The following IQCB1 variants were observed in gnomAD, a reference collection of about 807,000 sequenced individuals.
IQCB1 encodes the protein IQ calmodulin-binding motif-containing protein 1.
A neutral mutation model predicts 84.4 loss-of-function variants in IQCB1; 56 were observed. That is an observed-to-expected ratio of 0.66 (90% CI 0.54 to 0.83). The LOEUF (loss-of-function observed/expected upper bound fraction) is 0.83. Ranked by LOEUF, IQCB1 falls within the 40% of genes least tolerant of loss-of-function variation. The pLI is 0.00. For synonymous variants in IQCB1, 210 were observed against 234.8 expected (o/e 0.89, Z 0.96); for missense variants, 629 against 682.1 (o/e 0.92, Z 0.87).
In IQCB1 at chr3:121,792,584, C is replaced by A. The variant is rs1301085037; in HGVS notation, c.987-2369G>T. On this transcript the variant is annotated intron_variant, in intron 10 of 14. Coordinates refer to ENST00000310864, the MANE Select transcript of IQCB1 (RefSeq NM_001023570.4). ...GGCTGAGGCAGGAGAATGGTGTGAA[C>A]CCGGGAGGCGGAGCTTGCAGTGAGC... is the stretch of plus-strand genomic sequence containing the variant. 2.2e-5 allele frequency among the ~76,000 whole-genome samples: 3 copies of A among 137,422 alleles called. 1 individual carries two copies. The highest frequency in any genetic ancestry group is 4.6e-5 in the Non-Finnish European group (3 of 64,956). 90.2% of individuals were successfully genotyped at this position (137,422 alleles called of 152,430 possible).
At chr3:121,772,795 T>A in intron 13 of IQCB1, 82 bp from the exon 14 acceptor site, 3 of 1,217,670 alleles carry the variant, frequency 2.5e-6, no homozygotes, top group Non-Finnish European at 3.6e-6. Context: ...GGTTTTAGAC[T>A]GCTTAGCTGT....
chr3:121,798,396 C>A (rs571124648), intron 8 of IQCB1, among the ~76,000 whole-genome samples: 6 of 151,756 alleles, frequency 4.0e-5, no homozygotes, highest in Non-Finnish European at 8.9e-5. Context: ...TTCCTGACCA[C>A]GCTGAATAAG....
chr3:121,797,593 G>A (rs549748515), intron 8 of IQCB1, among the ~76,000 whole-genome samples: 82 of 151,736 alleles, frequency 5.4e-4, no homozygotes, highest in Admixed American at 2.0e-3. Flanking sequence ...ACATTTTAAA[G>A]ATAAATTACT....
Position 121,825,061 on chromosome 3 carries a change from C to CCT in IQCB1, c.393+989_393+990insAG, listed in dbSNP as rs1553721685. Among the ~76,000 whole-genome samples the CCT allele has an allele frequency of 2.5e-3, 209 of 83,726 alleles. 1 individual carries two copies. The East Asian group carries it at 0.034, about 14-fold the overall frequency. 54.9% of individuals were successfully genotyped at this position (83,726 alleles called of 152,430 possible). The stretch of plus-strand genomic sequence containing the variant: ...CAAAACAAAGGTTTCTTTTTCTTTT[C>CCT]TTTTTTTTTTTTTTTTCAGATGGAG... On this transcript the variant is annotated intron_variant, in intron 5 of 14. Coordinates refer to ENST00000310864, the MANE Select transcript of IQCB1 (RefSeq NM_001023570.4).
chr3:121,793,340 G>T (rs1367387131), intron 10 of IQCB1, among the ~76,000 whole-genome samples: 1 of 152,190 alleles, frequency 6.6e-6, no homozygotes, highest in Non-Finnish European at 1.5e-5. Context: ...GCAAGGGCGT[G>T]ACTATAAAAG....
chr3:121,789,913 C>A (rs796513180), intron 11 of IQCB1, among the ~76,000 whole-genome samples, 160 bp downstream of exon 11: 9 of 152,068 alleles, frequency 5.9e-5, no homozygotes, highest in African/African-American at 2.2e-4. Context: ...AAACAGTAAC[C>A]GTTTTTGAAC....
chr3:121,770,376 T>A lies in IQCB1; in HGVS notation c.1766A>T (p.Asn589Ile), dbSNP rs1576524168. ...TGGTTTGGTTCCACCAATGAATAAATTTTCTAATTCTATACTAAGCTCATC... is the reference window on the plus strand; with the variant it reads ...TGGTTTGGTTCCACCAATGAATAAAATTTCTAATTCTATACTAAGCTCATC... The part of the protein sequence containing the change: ...PKDELSIELE[N>I]LFIGGTKPP The change falls in exon 15 of 15, where the codon AAT becomes ATT. Residue 589 changes from asparagine (N) to isoleucine (I), a missense_variant. Physicochemically the swap from Asn to Ile is moderately radical, Grantham distance 149. Coordinates refer to ENST00000310864, the MANE Select transcript of IQCB1 (RefSeq NM_001023570.4). 1 of 1,613,758 alleles carries A rather than the reference T, an allele frequency of 6.2e-7. No homozygotes were observed. The highest frequency in any genetic ancestry group is 1.3e-5 in the African/African-American group (1 of 75,032).
chr3:121,782,142 A>C (rs960742783), intron 12 of IQCB1, among the ~76,000 whole-genome samples: 1 of 152,220 alleles, frequency 6.6e-6, no homozygotes, highest in South Asian at 2.1e-4. Context: ...TCTAGTCTCA[A>C]TTCTAGTCCC....
chr3:121,791,936 C>T (rs1482651833), intron 10 of IQCB1, among the ~76,000 whole-genome samples: 4 of 152,072 alleles, frequency 2.6e-5, no homozygotes, highest in Non-Finnish European at 5.9e-5. Flanking sequence ...ACTAAAAATA[C>T]AAAAATTAGC....
intron 5 of IQCB1, among the ~76,000 whole-genome samples, chr3:121,814,954 C>T (rs561437485): frequency 3.9e-5 from 6 of 152,132 alleles, no homozygotes; most frequent in African/African-American, 1.4e-4. Flanking sequence ...ACAGACACCA[C>T]AAAAAAAGAA....
intron 5 of IQCB1, among the ~76,000 whole-genome samples, chr3:121,820,988 CTTT>C (rs748318953): frequency 7.0e-6 from 1 of 143,766 alleles, no homozygotes; most frequent in Non-Finnish European, 1.5e-5. Flanking sequence ...CCTTTTTTTT[CTTT>C]TTTTCTTTTT....
At chr3:121,775,617 TATA>T (rs2108512345) in intron 13 of IQCB1, among the ~76,000 whole-genome samples, 1 of 152,264 alleles carries the variant, frequency 6.6e-6, no homozygotes, top group South Asian at 2.1e-4. Flanking sequence ...GAACTTAAAG[TATA>T]ATAATAATTA....
At chr3:121,791,540 T>A (rs1948973109) in intron 10 of IQCB1, among the ~76,000 whole-genome samples, 1 of 152,174 alleles carries the variant, frequency 6.6e-6, no homozygotes, top group South Asian at 2.1e-4. Flanking sequence ...GTCAAAAGAT[T>A]CCAGAGAAGA....
intron 2 of IQCB1, among the ~76,000 whole-genome samples, chr3:121,830,128 C>G (rs1041812580): frequency 6.6e-6 from 1 of 151,918 alleles, no homozygotes; most frequent in Admixed American, 6.6e-5. Flanking sequence ...TAGCTTGAAC[C>G]TAGGAGGTGG....
In IQCB1 at chr3:121,817,826, G is replaced by A. The variant is rs542215185; in HGVS notation, c.393+8225C>T. 2.0e-5 allele frequency among the ~76,000 whole-genome samples: 3 copies of A among 152,054 alleles called. No homozygotes were observed. The East Asian group carries it at 5.8e-4, about 29-fold the overall frequency. On this transcript the variant is annotated intron_variant, in intron 5 of 14. Transcript: ENST00000310864. ...GTGGTGTCCTCAGGATGGGATTAGT[G>A]CCCTTATAAGAAAGAAAGAAAGAAG...
chr3:121,774,916 C>T (rs1167550429), intron 13 of IQCB1, among the ~76,000 whole-genome samples: 2 of 151,920 alleles, frequency 1.3e-5, no homozygotes, highest in East Asian at 3.8e-4. Context: ...TCTATTTTAC[C>T]ACCCTGAAAA....
chr3:121,790,535 A>C (rs1948923007), intron 10 of IQCB1, among the ~76,000 whole-genome samples: 2 of 152,348 alleles, frequency 1.3e-5, no homozygotes, highest in South Asian at 4.1e-4. Context: ...TATGTTCAAA[A>C]ATGTTCTCCA....
At chr3:121,832,578 C>T (rs1310360537) in intron 2 of IQCB1, among the ~76,000 whole-genome samples, 10 of 152,290 alleles carry the variant, frequency 6.6e-5, no homozygotes, top group Admixed American at 2.0e-4. Flanking sequence ...CTGCCCACTT[C>T]GGCCTCCCAA....
intron 12 of IQCB1, among the ~76,000 whole-genome samples, chr3:121,786,020 A>T (rs996390452): frequency 1.3e-5 from 2 of 149,104 alleles, no homozygotes; most frequent in African/African-American, 5.0e-5. Context: ...AAAAAAAAAA[A>T]ATTAGCTGGG....
Sources: gnomAD v4.1 joint callset for allele counts (sites outside exome capture counted in the v4.1 genomes callset) on GRCh38, gnomAD v4.1.1 for gene constraint, MANE v1.5 for transcripts, NCBI Gene and HGNC (gene_info 2026-07-23, HGNC 2026-07-21) for gene names.